Variants in ASB8 observed in about 807,000 individuals in gnomAD.
The protein encoded by ASB8 is ankyrin repeat and SOCS box containing 8.
ASB8 carries 15 observed loss-of-function variants against 22.9 expected under a neutral mutation model. The observed-to-expected ratio is 0.66, with a 90% CI of 0.44 to 1.01. The LOEUF is 1.01. ASB8 is among the 50% of genes least tolerant of loss of function. The probability of loss-of-function intolerance (pLI) is 0.00; values close to 1 mark genes in which losing one functional copy is unlikely to be tolerated. For synonymous variants in ASB8, 124 were observed against 140.8 expected (o/e 0.88, Z 0.84); for missense variants, 294 against 356.9 (o/e 0.82, Z 1.42).
rs1042177573 is a variant in ASB8 at position 48,148,270 on chromosome 12, G to C, written c.*1096C>G. 1 of 152,252 alleles carries C rather than the reference G, an allele frequency of 6.6e-6. No individual in the cohort carries two copies. Among genetic ancestry groups the C allele is most frequent in the African/African-American group, 2.4e-5 (1 of 41,464 alleles). The allele number at this position is 152,252 out of a possible 1,614,324, so 9.4% of individuals were successfully genotyped here. On this transcript the variant is annotated 3_prime_UTR_variant, in exon 4 of 4. Transcript: ENST00000317697. ...TGCTGGAACACACACCGTAGGTGTA[G>C]GAACTGCCTGGGAATCCCATTAGAA...
chr12:48,155,170 C>T (rs989183460), intron 1 of ASB8, among the ~76,000 whole-genome samples: 4 of 152,104 alleles, frequency 2.6e-5, no homozygotes, highest in African/African-American at 9.7e-5. Context: ...TTCTATGAAA[C>T]AGTACATATC....
chr12:48,151,725 C>T (rs550610677), intron 2 of ASB8: 4 of 989,964 alleles, frequency 4.0e-6, no homozygotes, highest in Non-Finnish European at 4.2e-6. Flanking sequence ...GCTCTTTTGT[C>T]CATTCAACAA....
At chr12:48,155,886 G>A (rs908843801) in intron 1 of ASB8, among the ~76,000 whole-genome samples, 3 of 150,122 alleles carry the variant, frequency 2.0e-5, no homozygotes, top group African/African-American at 4.9e-5. Context: ...AGCAATTCAC[G>A]TTCCTCAGCC....
rs769529143 is a variant in ASB8, at chr12:48,149,428, C to T, written c.805G>A (p.Asp269Asn). 52 of 1,613,962 alleles carry T rather than the reference C, an allele frequency of 3.2e-5. No individual in the cohort carries two copies. The highest frequency in any genetic ancestry group is 2.3e-4 in the Admixed American group (14 of 60,016). ...RRSLGLQYLP[D>N]AVKGLPLPAS... Reference sequence around the variant, plus strand: ...GGCAGTGGAAGGCCCTTCACTGCATCGGGGAGATACTGGAGTCCCAGGCTA... The same window carrying T: ...GGCAGTGGAAGGCCCTTCACTGCATTGGGGAGATACTGGAGTCCCAGGCTA... The change falls in exon 4 of 4, where the codon GAT (aspartate) becomes AAT (asparagine). Residue 269 changes from aspartate (D) to asparagine (N), a missense_variant. Asp to Asn is a conservative substitution (Grantham distance 23, BLOSUM62 1). Transcript: ENST00000317697.
rs551207037 is a variant in ASB8, at chr12:48,148,034, T to G, written c.*1332A>C. 13 of 152,346 alleles carry G rather than the reference T, an allele frequency of 8.5e-5. No homozygotes were observed. In the South Asian group the frequency reaches 2.7e-3, roughly 32 times the overall value. 9.4% of individuals were successfully genotyped at this position (152,346 alleles called of 1,614,324 possible). ...TATCGTTCACTAAAGCAGATCTCTT[T>G]TGGGTAGATGGACCATCACAAAAGG... On this transcript the variant is annotated 3_prime_UTR_variant, in exon 4 of 4. Transcript: ENST00000317697.
At position 48,149,981 on chromosome 12, in the gene ASB8, C is replaced by A; in HGVS notation, c.252G>T (p.Gly84=). The stretch of plus-strand genomic sequence containing the variant: ...CATAGTGGAGGGCTGTTCGGTTATA[C>A]CCATCCAGGGCATTCACCTGTAAAA... ...EKGAEVNALD[G]YNRTALHYAA... The change falls in exon 4 of 4, where the codon GGG becomes GGT. Residue 84 remains glycine (G), a synonymous_variant. Transcript: ENST00000317697. 1 of 1,613,486 alleles carries A rather than the reference C, an allele frequency of 6.2e-7. No homozygotes were observed. Among genetic ancestry groups the A allele is most frequent in the Non-Finnish European group, 8.5e-7 (1 of 1,179,490 alleles).
chr12:48,151,212 T>C lies in ASB8; in HGVS notation c.223A>G (p.Lys75Glu). The change falls in exon 3 of 4, where the codon AAA becomes GAA. Residue 75 changes from lysine (K) to glutamate (E), a missense_variant. Physicochemically the swap from Lys to Glu is moderately conservative, Grantham distance 56. Coordinates refer to ENST00000317697, the MANE Select transcript of ASB8 (RefSeq NM_024095.5). ...GTTAAAAACATTACCTCGGCTCCTT[T>C]TTCCAGAAGTAACTCCACACAGTCA... is the stretch of plus-strand genomic sequence containing the variant. ...DADCVELLLE[K>E]GAEVNALDGY... 6.2e-7 allele frequency: 1 copy of C among 1,612,002 alleles called. No homozygotes were observed. The highest frequency in any genetic ancestry group is 8.5e-7 in the Non-Finnish European group (1 of 1,178,046).
Position 48,154,430 on chromosome 12 carries a change from G to A in ASB8, c.-33-901C>T, listed in dbSNP as rs1297164654. ...TGGGAGGCAGAGCTTGCAGTGAGCC[G>A]AGATCGGGCCACCGCACTCCAGCCT... On this transcript the variant is annotated intron_variant, in intron 1 of 3. Transcript: ENST00000317697. Among the ~76,000 whole-genome samples, 9 of 139,088 alleles carry A rather than the reference G, an allele frequency of 6.5e-5. No homozygotes were observed. The South Asian group carries it at 8.9e-4, about 14-fold the overall frequency. 91.2% of individuals were successfully genotyped at this position (139,088 alleles called of 152,430 possible). A position where few individuals can be genotyped will look rare whatever the true frequency, so the allele number is the denominator to read the frequency against.
At chr12:48,153,569 G>A in intron 1 of ASB8, 40 bp from the exon 2 acceptor site, 1 of 1,524,824 alleles carries the variant, frequency 6.6e-7, no homozygotes, top group Non-Finnish European at 9.0e-7. Flanking sequence ...ATATCACTGA[G>A]CACACCTGTC....
At chr12:48,153,956 T>A (rs1384031640) in intron 1 of ASB8, 1 of 155,134 alleles carries the variant, frequency 6.4e-6, no homozygotes, top group African/African-American at 2.4e-5. Flanking sequence ...CCATCGAAAC[T>A]GTAATCAACT....
chr12:48,157,264 G>A (rs762080506), intron 1 of ASB8, 195 bp downstream of exon 1: 22 of 152,256 alleles, frequency 1.4e-4, no homozygotes, highest in Non-Finnish European at 2.5e-4. Flanking sequence ...GGTACTGAAA[G>A]AGAATCACGC....
intron 1 of ASB8, chr12:48,153,936 T>TA (rs746264872): frequency 3.5e-4 from 55 of 155,602 alleles, no homozygotes; most frequent in Non-Finnish European, 7.4e-4. Flanking sequence ...GTTATGTACA[T>TA]ATTGTTTCTC....
chr12:48,148,081 C>T lies in ASB8; in HGVS notation c.*1285G>A, dbSNP rs958554978. ...AAGGAGCTCTTACATGCTTTTCCCA[C>T]TCCCATCCCAAGTCCACCCTCCCAC... On this transcript the variant is annotated 3_prime_UTR_variant, in exon 4 of 4. Transcript: ENST00000317697. The T allele has an allele frequency of 6.6e-6, 1 of 152,210 alleles. No individual in the cohort carries two copies. The highest frequency in any genetic ancestry group is 2.4e-5 in the African/African-American group (1 of 41,450). The allele number at this position is 152,210 out of a possible 1,614,324, so 9.4% of individuals were successfully genotyped here. A position where few individuals can be genotyped will look rare whatever the true frequency, so the allele number is the denominator to read the frequency against.
At chr12:48,157,069 C>G (rs1049739916) in intron 1 of ASB8, 11 of 152,182 alleles carry the variant, frequency 7.2e-5, no homozygotes, top group African/African-American at 2.7e-4. Context: ...CCGCCCCCTC[C>G]CGCCCCGGGA....
intron 1 of ASB8, among the ~76,000 whole-genome samples, chr12:48,156,609 A>G (rs552186504): frequency 4.6e-5 from 7 of 152,220 alleles, no homozygotes; most frequent in Non-Finnish European, 8.8e-5. Context: ...TCGTCTCTAC[A>G]AAAAAATTCA....
At chr12:48,151,769 C>A (rs933486556) in intron 2 of ASB8, 2 of 578,772 alleles carry the variant, frequency 3.5e-6, no homozygotes, top group Non-Finnish European at 5.6e-6. Flanking sequence ...CATCTTAACA[C>A]GGTTTTTCCT....
intron 1 of ASB8, among the ~76,000 whole-genome samples, chr12:48,154,598 GAAT>G (rs1311943638): frequency 1.3e-5 from 2 of 151,082 alleles, no homozygotes; most frequent in Admixed American, 6.6e-5. Context: ...TTAAAATTCA[GAAT>G]AATAAAATGT....
At chr12:48,151,686 G>C (rs1318743138) in intron 2 of ASB8, 6 of 1,275,574 alleles carry the variant, frequency 4.7e-6, no homozygotes, top group East Asian at 4.8e-5. Context: ...AGGAAAGTGA[G>C]TCTGTCAGAC....
intron 2 of ASB8, 90 bp downstream of exon 2, chr12:48,153,278 G>C: frequency 6.7e-7 from 1 of 1,489,002 alleles, no homozygotes; most frequent in Non-Finnish European, 9.3e-7. Context: ...CTGTGATCTT[G>C]GGTTGAGTCA....
Sources: gnomAD v4.1 joint callset for allele counts (sites outside exome capture counted in the v4.1 genomes callset) on GRCh38, gnomAD v4.1.1 for gene constraint, MANE v1.5 for transcripts, NCBI Gene and HGNC (gene_info 2026-07-23, HGNC 2026-07-21) for gene names.